DLGAP2: variants seen among roughly 807,000 people sequenced by gnomAD.
DLGAP2 encodes the protein DLG associated protein 2.
A neutral mutation model predicts 100.3 loss-of-function variants in DLGAP2; 26 were observed. The ratio of observed to expected loss-of-function variants is 0.26; its 90% CI spans 0.19 to 0.36. The LOEUF (loss-of-function observed/expected upper bound fraction) is 0.36, where lower values mean the gene tolerates loss of function less well. Among genes scored for constraint, DLGAP2 ranks in the 10% least tolerant of loss-of-function variants. The probability of loss-of-function intolerance (pLI) is 1.00; values close to 1 mark genes in which losing one functional copy is unlikely to be tolerated. For synonymous variants in DLGAP2, 886 were observed against 630.1 expected, an observed-to-expected ratio of 1.41 and a Z score of -6.08; for missense variants, 1,858 against 1,453.2, an observed-to-expected ratio of 1.28 and a Z score of -4.53.
At chr8:1,295,310 C>G (rs1485381399) in intron 3 of DLGAP2, among the ~76,000 whole-genome samples, 3 of 152,308 alleles carry the variant, frequency 2.0e-5, no homozygotes, top group African/African-American at 2.4e-5. Context: ...TTGAAGATGA[C>G]AGAGCCTTAA....
intron 6 of DLGAP2, among the ~76,000 whole-genome samples, chr8:1,590,417 C>G (rs61666468): frequency 0.055 from 8,400 of 152,252 alleles, 257 homozygotes; most frequent in African/African-American, 0.067. Flanking sequence ...GTTGGCTTTT[C>G]TCTTCCGGAA....
intron 2 of DLGAP2, among the ~76,000 whole-genome samples, chr8:1,144,299 A>G (rs1796569647): frequency 6.6e-6 from 1 of 152,256 alleles, no homozygotes; most frequent in Non-Finnish European, 1.5e-5. Context: ...ATGATTAAAG[A>G]GAAAAACAAA....
chr8:846,690 AT>A, intron 1 of DLGAP2, among the ~76,000 whole-genome samples: 1 of 152,040 alleles, frequency 6.6e-6, no homozygotes, highest in East Asian at 1.9e-4. Context: ...TGTATTTTTA[AT>A]TTTTTTTAGG....
intron 2 of DLGAP2, among the ~76,000 whole-genome samples, chr8:1,221,205 A>G (rs1010836578): frequency 4.6e-5 from 7 of 152,118 alleles, no homozygotes; most frequent in African/African-American, 1.7e-4. Flanking sequence ...TGGACTATGT[A>G]CTTATGTGTG....
At chr8:1,059,077 A>G (rs941377242) in intron 2 of DLGAP2, among the ~76,000 whole-genome samples, 5 of 152,166 alleles carry the variant, frequency 3.3e-5, no homozygotes, top group African/African-American at 9.7e-5. Flanking sequence ...CCATGTGTCC[A>G]TGGGTAAACC....
chr8:1,133,981 ACTCCTCCCC>A (rs1796350528), intron 2 of DLGAP2, among the ~76,000 whole-genome samples: 2 of 146,558 alleles, frequency 1.4e-5, no homozygotes, highest in Non-Finnish European at 3.0e-5. Context: ...TACTTTTCCT[ACTCCTCCCC>A]CTCCTCCCCC....
At chr8:1,162,867 G>C (rs1037396624) in intron 2 of DLGAP2, among the ~76,000 whole-genome samples, 6 of 152,188 alleles carry the variant, frequency 3.9e-5, no homozygotes, top group Non-Finnish European at 8.8e-5. Context: ...GCCCCGGCAC[G>C]GGGGCACCAG....
intron 2 of DLGAP2, among the ~76,000 whole-genome samples, chr8:1,074,844 G>A (rs190746742): frequency 2.8e-4 from 42 of 152,306 alleles, no homozygotes; most frequent in African/African-American, 9.6e-4. Flanking sequence ...AAAGGGATCC[G>A]CAGCCTCCAA....
intron 1 of DLGAP2, among the ~76,000 whole-genome samples, chr8:842,740 T>G (rs374689600): frequency 6.6e-6 from 1 of 152,228 alleles, no homozygotes; most frequent in East Asian, 1.9e-4. Context: ...GATTTTCTTC[T>G]TTTTTCAACC....
At chr8:797,710 A>C (rs1429166239) in intron 1 of DLGAP2, among the ~76,000 whole-genome samples, 1 of 152,140 alleles carries the variant, frequency 6.6e-6, no homozygotes, top group African/African-American at 2.4e-5. Context: ...GGTCCTCATC[A>C]GCACTTGCTG....
chr8:1,293,021 G>T (rs974038550), intron 3 of DLGAP2, among the ~76,000 whole-genome samples: 1 of 152,126 alleles, frequency 6.6e-6, no homozygotes, highest in African/African-American at 2.4e-5. Flanking sequence ...CCTAAGACAG[G>T]TGCTTATCCA....
chr8:754,797 G>A (rs761419260), intron 1 of DLGAP2, among the ~76,000 whole-genome samples: 1 of 152,126 alleles, frequency 6.6e-6, no homozygotes, highest in African/African-American at 2.4e-5. Context: ...AGCCACACAC[G>A]CCACTGCACT....
At position 1,330,429 on chromosome 8, in the gene DLGAP2, G is replaced by T. The variant is rs182894865; in HGVS notation, c.106+71546G>T. Among the ~76,000 whole-genome samples the T allele has an allele frequency of 1.5e-4, 23 of 149,168 alleles. No individual in the cohort carries two copies. The East Asian group carries it at 4.1e-3, about 27-fold the overall frequency. ...CTGGGTGGGAGCACCGCTTCGCGGG[G>T]ACTGAGTTCTGGGTGGGACTGAGTT... is the stretch of plus-strand genomic sequence containing the variant. On this transcript the variant is annotated intron_variant, in intron 3 of 14. Transcript: ENST00000637795.
chr8:1,653,727 G>A (rs1216523819), intron 8 of DLGAP2, among the ~76,000 whole-genome samples: 1 of 106,996 alleles, frequency 9.3e-6, no homozygotes, highest in Non-Finnish European at 2.0e-5. Context: ...AACTGCAGGG[G>A]CGGACTCCTG....
chr8:1,022,391 C>T (rs934781150), intron 2 of DLGAP2, among the ~76,000 whole-genome samples: 7 of 146,102 alleles, frequency 4.8e-5, no homozygotes, highest in South Asian at 2.2e-4. Context: ...TGGACAGTCC[C>T]GTGCCAAGGT....
intron 2 of DLGAP2, among the ~76,000 whole-genome samples, chr8:1,155,275 C>T (rs926822002): frequency 6.6e-6 from 1 of 152,138 alleles, no homozygotes; most frequent in South Asian, 2.1e-4. Flanking sequence ...GGCTGCACTC[C>T]GTCTTCCCGG....
At chr8:1,046,084 G>T (rs1802506710) in intron 2 of DLGAP2, among the ~76,000 whole-genome samples, 1 of 152,156 alleles carries the variant, frequency 6.6e-6, no homozygotes, top group South Asian at 2.1e-4. Flanking sequence ...AAGCAGCCCA[G>T]CAATATAAAA....
In DLGAP2 at chr8:1,378,852, G is replaced by A. The variant is rs6999194; in HGVS notation, c.106+119969G>A. ...TTCTCTTCTCTGAGGAGTCTGTGCC[G>A]TCCCCTTCAGGGCAGTGTGGTCGGC... On this transcript the variant is annotated intron_variant, in intron 3 of 14. Coordinates refer to ENST00000637795, the MANE Select transcript of DLGAP2 (RefSeq NM_001346810.2). Among the ~76,000 whole-genome samples, 285 of 152,130 alleles carry A rather than the reference G, an allele frequency of 1.9e-3. 1 individual carries two copies. Among genetic ancestry groups the A allele is most frequent in the African/African-American group, 6.5e-3 (269 of 41,498 alleles).
Position 956,268 on chromosome 8 carries a change from C to T in DLGAP2, c.73+48302C>T, listed in dbSNP as rs185619609. Among the ~76,000 whole-genome samples, 133 of 152,288 alleles carry T rather than the reference C, an allele frequency of 8.7e-4. 1 individual carries two copies. Among genetic ancestry groups the T allele is most frequent in the African/African-American group, 2.8e-3 (115 of 41,556 alleles). On this transcript the variant is annotated intron_variant, in intron 2 of 14. Transcript: ENST00000637795. ...TGCACAGCGTCTGAAGACTTGCAGC[C>T]GACAAGTTGTGCTCCCCAGGAGCTC...
Sources: gnomAD v4.1 joint callset for allele counts (sites outside exome capture counted in the v4.1 genomes callset) on GRCh38, gnomAD v4.1.1 for gene constraint, MANE v1.5 for transcripts, NCBI Gene and HGNC (gene_info 2026-07-23, HGNC 2026-07-21) for gene names.